Variants in ZNF611 observed in about 807,000 individuals in gnomAD.
ZNF611 encodes zinc finger protein 611.
In ZNF611, 6 loss-of-function variants were observed where a neutral mutation model predicts 8.9. The ratio of observed to expected loss-of-function variants is 0.68; its 90% CI spans 0.37 to 1.34. The LOEUF is 1.34. Among genes scored for constraint, ZNF611 ranks in the 40% most tolerant of loss-of-function variants. ZNF611 has a pLI of 0.02. For synonymous variants in ZNF611, 262 were observed against 279.7 expected (o/e 0.94, Z 0.63); for missense variants, 874 against 841.3 (o/e 1.04, Z -0.48).
chr19:52,721,370 C>G (rs1568606712), intron 3 of ZNF611: 1 of 180,334 alleles, frequency 5.5e-6, no homozygotes. Flanking sequence ...GATCACGCCA[C>G]TGCACTCTAG....
chr19:52,705,418 G>C lies in ZNF611; in HGVS notation c.1637C>G (p.Ala546Gly), dbSNP rs200565572. 3.7e-4 allele frequency: 591 copies of C among 1,614,018 alleles called. No homozygotes were observed. The highest frequency in any genetic ancestry group is 4.4e-4 in the Non-Finnish European group (525 of 1,180,040). The change falls in exon 6 of 6, where the codon GCT becomes GGT. Residue 546 changes from alanine (A) to glycine (G), a missense_variant. Ala to Gly is a moderately conservative substitution (Grantham distance 60). Coordinates refer to ENST00000652185, the MANE Select transcript of ZNF611 (RefSeq NM_001161499.2). The part of the protein sequence containing the change: ...KPYKCKVCDK[A>G]FACHSYLAKH... The stretch of plus-strand genomic sequence containing the variant: ...TGCCAGATAGGAATGACACGCAAAA[G>C]CCTTGTCACAAACCTTACATTTGTA...
chr19:52,725,036 C>G (rs951612818), intron 3 of ZNF611, among the ~76,000 whole-genome samples: 2 of 152,166 alleles, frequency 1.3e-5, no homozygotes, highest in Non-Finnish European at 2.9e-5. Context: ...TTCTACTGCT[C>G]TCTCAGTCCC....
chr19:52,708,821 G>C (rs944039597), intron 5 of ZNF611: 1 of 151,656 alleles, frequency 6.6e-6, no homozygotes, highest in African/African-American at 2.4e-5. Context: ...TGGGTGACAG[G>C]GCAAGACTCC....
In ZNF611 at chr19:52,704,091, C is replaced by T. The variant is rs2062223275; in HGVS notation, c.*846G>A. 1 of 270,250 alleles carries T rather than the reference C, an allele frequency of 3.7e-6. No homozygotes were observed. Among genetic ancestry groups the T allele is most frequent in the Non-Finnish European group, 7.3e-6 (1 of 136,610 alleles). 16.7% of individuals were successfully genotyped at this position (270,250 alleles called of 1,614,324 possible). A position where few individuals can be genotyped will look rare whatever the true frequency, so the allele number is the denominator to read the frequency against. On this transcript the variant is annotated 3_prime_UTR_variant, in exon 6 of 6. Transcript: ENST00000652185. ...TCAAGTGACCTATGTGCCTTGGCCT[C>T]CCGACGTGCTGGGATTACAGGTCGG... is the stretch of plus-strand genomic sequence containing the variant.
chr19:52,716,856 G>T (rs188613531), intron 3 of ZNF611, among the ~76,000 whole-genome samples: 212 of 152,084 alleles, frequency 1.4e-3, no homozygotes, highest in African/African-American at 4.8e-3. Context: ...GAAGAGGTAG[G>T]GACTAGCCCA....
At chr19:52,717,981 A>G (rs1040462854) in intron 3 of ZNF611, among the ~76,000 whole-genome samples, 7 of 152,224 alleles carry the variant, frequency 4.6e-5, no homozygotes, top group Non-Finnish European at 8.8e-5. Context: ...AAACAATTTT[A>G]AAATGGTTAA....
chr19:52,733,663 T>TC (rs1035789770), intron 1 of ZNF611, among the ~76,000 whole-genome samples: 4 of 151,820 alleles, frequency 2.6e-5, no homozygotes, highest in African/African-American at 7.3e-5. Flanking sequence ...TCTCTCATTC[T>TC]CCCCTTCTCT....
intron 3 of ZNF611, among the ~76,000 whole-genome samples, chr19:52,718,397 C>T (rs1449048755): frequency 2.0e-5 from 3 of 151,986 alleles, no homozygotes; most frequent in Admixed American, 6.6e-5. Context: ...CCCAGGGAAT[C>T]CAGAGGCTGA....
At chr19:52,730,216 A>G (rs974776119) in intron 1 of ZNF611, among the ~76,000 whole-genome samples, 2 of 151,678 alleles carry the variant, frequency 1.3e-5, no homozygotes, top group African/African-American at 4.8e-5. Context: ...ACATGGTGAA[A>G]CCCCATCTCT....
intron 3 of ZNF611, among the ~76,000 whole-genome samples, chr19:52,722,189 G>A (rs890797326): frequency 4.0e-5 from 6 of 150,942 alleles, no homozygotes; most frequent in South Asian, 2.1e-4. Flanking sequence ...TACTGAAACC[G>A]TTTCTACAAA....
At chr19:52,713,394 A>G (rs1012787797) in intron 5 of ZNF611, among the ~76,000 whole-genome samples, 1 of 152,150 alleles carries the variant, frequency 6.6e-6, no homozygotes, top group Non-Finnish European at 1.5e-5. Context: ...TTAAAAATGA[A>G]CAGTGACACA....
Position 52,705,345 on chromosome 19 carries a change from C to G in ZNF611, c.1710G>C (p.Glu570Asp). 1.2e-6 allele frequency: 2 copies of G among 1,613,966 alleles called. No homozygotes were observed. The highest frequency in any genetic ancestry group is 1.7e-6 in the Non-Finnish European group (2 of 1,179,994). ...HSGEKPYKCNECSKTFSHRSY... is the reference protein window; with the variant it reads ...HSGEKPYKCNDCSKTFSHRSY... ...ACCTGTGACTGAAGGTCTTGCTGCA[C>G]TCATTACACTTGTAAGGTTTCTCTC... is the stretch of plus-strand genomic sequence containing the variant. The change falls in exon 6 of 6, where the codon GAG (glutamate) becomes GAC (aspartate). Residue 570 changes from glutamate (E) to aspartate (D), a missense_variant. By Grantham distance (45) the Glu-to-Asp change is conservative. Transcript: ENST00000652185.
rs1555795581 is a variant in ZNF611, at chr19:52,714,716, A to AACG, written c.64-576_64-575insCGT. Among the ~76,000 whole-genome samples, 24 of 40,348 alleles carry AACG rather than the reference A, an allele frequency of 5.9e-4. 4 individuals carry two copies. The East Asian group carries it at 8.3e-3, about 14-fold the overall frequency. 26.5% of individuals were successfully genotyped at this position (40,348 alleles called of 152,430 possible). On this transcript the variant is annotated intron_variant, in intron 4 of 5. Transcript: ENST00000652185. ...AAACAAAACAAAACAAAACAAAAAA[A>AACG]CAATGCCGGGCAGTGACTGTCACCT... is the stretch of plus-strand genomic sequence containing the variant.
intron 5 of ZNF611, chr19:52,711,259 G>A (rs2062277656): frequency 6.6e-6 from 1 of 152,138 alleles, no homozygotes; most frequent in African/African-American, 2.4e-5. Context: ...TTGAATCCGG[G>A]AGGTGGAGGT....
intron 1 of ZNF611, among the ~76,000 whole-genome samples, chr19:52,734,420 C>A (rs1600342209): frequency 6.6e-6 from 1 of 152,094 alleles, no homozygotes; most frequent in African/African-American, 2.4e-5. Context: ...GCAAGAATAC[C>A]CCGTGCCGCA....
intron 3 of ZNF611, among the ~76,000 whole-genome samples, chr19:52,724,854 G>C (rs1364276711): frequency 1.3e-5 from 2 of 151,954 alleles, no homozygotes; most frequent in Non-Finnish European, 2.9e-5. Flanking sequence ...TCCCTATCTT[G>C]TCCTTCATCT....
intron 1 of ZNF611, 147 bp from the exon 2 acceptor site, chr19:52,730,152 G>A (rs983365756): frequency 4.6e-5 from 7 of 152,184 alleles, no homozygotes; most frequent in African/African-American, 1.7e-4. Context: ...CCAGCACTTT[G>A]GGATTCCGAG....
chr19:52,708,997 A>G (rs1463414548), intron 5 of ZNF611, among the ~76,000 whole-genome samples: 1 of 152,216 alleles, frequency 6.6e-6, no homozygotes, highest in Non-Finnish European at 1.5e-5. Flanking sequence ...TATAAAACAT[A>G]GAATGTGTAC....
At chr19:52,712,529 C>G (rs561092688) in intron 5 of ZNF611, among the ~76,000 whole-genome samples, 1 of 137,298 alleles carries the variant, frequency 7.3e-6, no homozygotes, top group East Asian at 2.4e-4. Flanking sequence ...ACCCCAGCTA[C>G]TTAGGAGGCT....
Sources: gnomAD v4.1 joint callset for allele counts (sites outside exome capture counted in the v4.1 genomes callset) on GRCh38, gnomAD v4.1.1 for gene constraint, MANE v1.5 for transcripts, NCBI Gene and HGNC (gene_info 2026-07-23, HGNC 2026-07-21) for gene names.